ANO3: variants seen among roughly 807,000 people sequenced by gnomAD.
The protein encoded by ANO3 is anoctamin-3.
Under a neutral mutation model 144.8 loss-of-function variants are expected in ANO3, and 99 were observed. That is an observed-to-expected ratio of 0.68 (90% CI 0.58 to 0.81). The LOEUF (loss-of-function observed/expected upper bound fraction) is 0.81. Among genes scored for constraint, ANO3 ranks in the 30% least tolerant of loss-of-function variants. The pLI, the probability that ANO3 is intolerant of heterozygous loss-of-function variation, is 0.00. For synonymous variants in ANO3, 414 were observed against 392.6 expected, an observed-to-expected ratio of 1.05 and a Z score of -0.64; for missense variants, 905 against 1,202.2, an observed-to-expected ratio of 0.75 and a Z score of 3.66.
At chr11:26,216,174 A>C (rs1337430468) in intron 1 of ANO3, among the ~76,000 whole-genome samples, 1 of 151,984 alleles carries the variant, frequency 6.6e-6, no homozygotes, top group Non-Finnish European at 1.5e-5. Flanking sequence ...AATTTTTTAG[A>C]ATTTGCATAT....
chr11:26,318,406 C>T (rs186930718), intron 1 of ANO3, among the ~76,000 whole-genome samples: 49 of 152,294 alleles, frequency 3.2e-4, no homozygotes, highest in Middle Eastern at 3.4e-3. Context: ...CATACTTTCT[C>T]AGCTGCATCC....
chr11:26,344,400 C>T (rs1417889933), intron 1 of ANO3, among the ~76,000 whole-genome samples: 1 of 141,732 alleles, frequency 7.1e-6, no homozygotes, highest in African/African-American at 2.6e-5. Context: ...GAGTCTCACT[C>T]TGTCGCCCAG....
At chr11:26,482,350 T>G (rs1860253253) in intron 4 of ANO3, among the ~76,000 whole-genome samples, 1 of 152,100 alleles carries the variant, frequency 6.6e-6, no homozygotes, top group Non-Finnish European at 1.5e-5. Flanking sequence ...TTTTGTGATT[T>G]GGGACTGATT....
At chr11:26,649,716 G>A (rs1289484908) in intron 24 of ANO3, among the ~76,000 whole-genome samples, 4 of 148,910 alleles carry the variant, frequency 2.7e-5, no homozygotes, top group Admixed American at 2.7e-4. Context: ...CAGCCTGGAC[G>A]ACAGGGCAAA....
At chr11:26,262,912 C>T (rs1365100132) in intron 1 of ANO3, among the ~76,000 whole-genome samples, 1 of 152,124 alleles carries the variant, frequency 6.6e-6, no homozygotes, top group East Asian at 1.9e-4. Context: ...TTAAGCCACC[C>T]AGTCTAAGGT....
intron 1 of ANO3, among the ~76,000 whole-genome samples, chr11:26,193,584 T>C (rs1247808954): frequency 6.6e-6 from 1 of 152,214 alleles, no homozygotes; most frequent in East Asian, 1.9e-4. Flanking sequence ...AAAGCAAATA[T>C]ACTTATTTAT....
chr11:26,478,339 T>C (rs1860066579), intron 4 of ANO3, among the ~76,000 whole-genome samples: 1 of 152,146 alleles, frequency 6.6e-6, no homozygotes, highest in African/African-American at 2.4e-5. Flanking sequence ...CACTCTAACC[T>C]AGAATAGCCT....
intron 10 of ANO3, among the ~76,000 whole-genome samples, chr11:26,537,700 A>G (rs1308191250): frequency 1.3e-5 from 2 of 152,176 alleles, no homozygotes; most frequent in Non-Finnish European, 2.9e-5. Context: ...ACTCCTGGAC[A>G]CTGTAGCTGC....
intron 1 of ANO3, among the ~76,000 whole-genome samples, chr11:26,404,311 G>A (rs746704479): frequency 6.6e-6 from 1 of 151,904 alleles, no homozygotes; most frequent in Admixed American, 6.6e-5. Context: ...TATTTTGCTA[G>A]ACTCCATATT....
At chr11:26,374,107 T>C (rs1362907999) in intron 1 of ANO3, among the ~76,000 whole-genome samples, 1 of 152,244 alleles carries the variant, frequency 6.6e-6, no homozygotes, top group Non-Finnish European at 1.5e-5. Flanking sequence ...TAGGTACTTG[T>C]GTTTTCCAGG....
chr11:26,292,032 A>C (rs1345439131), intron 1 of ANO3, among the ~76,000 whole-genome samples: 1 of 152,038 alleles, frequency 6.6e-6, no homozygotes, highest in East Asian at 1.9e-4. Flanking sequence ...TCTTCCTGTC[A>C]CTTTCAGGTA....
intron 1 of ANO3, among the ~76,000 whole-genome samples, chr11:26,365,666 G>A (rs1564984554): frequency 1.3e-5 from 2 of 152,114 alleles, no homozygotes; most frequent in African/African-American, 2.4e-5. Context: ...GTACCTGGAC[G>A]CCTTTGAGCT....
intron 24 of ANO3, 32 bp from the exon 25 acceptor site, chr11:26,656,093 T>G: frequency 1.3e-6 from 2 of 1,511,818 alleles, no homozygotes; most frequent in Non-Finnish European, 1.8e-6. Context: ...GTATGAATCT[T>G]TGAATCACAT....
intron 4 of ANO3, among the ~76,000 whole-genome samples, chr11:26,479,970 G>GA (rs2134086085): frequency 6.6e-6 from 1 of 152,274 alleles, no homozygotes; most frequent in Non-Finnish European, 1.5e-5. Context: ...AGGGGCAGAG[G>GA]AAAAGGTTTG....
At chr11:26,435,194 G>A (rs752855473) in intron 1 of ANO3, among the ~76,000 whole-genome samples, 1 of 151,868 alleles carries the variant, frequency 6.6e-6, no homozygotes, top group Non-Finnish European at 1.5e-5. Flanking sequence ...TTTTTGATCC[G>A]GATATGAAAT....
At position 26,395,899 on chromosome 11, in the gene ANO3, T is replaced by C. The variant is rs111865060; in HGVS notation, c.47-46019T>C. Among the ~76,000 whole-genome samples, 195 of 152,214 alleles carry C rather than the reference T, an allele frequency of 1.3e-3. 1 individual carries two copies. The highest frequency in any genetic ancestry group is 4.6e-3 in the African/African-American group (189 of 41,538). On this transcript the variant is annotated intron_variant, in intron 1 of 26. Coordinates refer to ENST00000256737, the MANE Select transcript of ANO3 (RefSeq NM_031418.4). Reference sequence around the variant, plus strand: ...TAGGCATGGGCAAAGACTTCATGACTAAAACACCAAAAGCAAGGGCAACAA... The same window carrying C: ...TAGGCATGGGCAAAGACTTCATGACCAAAACACCAAAAGCAAGGGCAACAA...
At chr11:26,492,761 A>G (rs978878060) in intron 4 of ANO3, among the ~76,000 whole-genome samples, 7 of 152,178 alleles carry the variant, frequency 4.6e-5, no homozygotes, top group African/African-American at 1.2e-4. Flanking sequence ...CACAAAATCA[A>G]TTTTTAGTGA....
At chr11:26,236,217 A>G (rs889306223) in intron 1 of ANO3, among the ~76,000 whole-genome samples, 2 of 152,178 alleles carry the variant, frequency 1.3e-5, no homozygotes, top group Non-Finnish European at 2.9e-5. Context: ...TAATAAATAA[A>G]CTTATACATG....
At chr11:26,303,148 A>G (rs1207514764) in intron 1 of ANO3, among the ~76,000 whole-genome samples, 1 of 152,252 alleles carries the variant, frequency 6.6e-6, no homozygotes, top group African/African-American at 2.4e-5. Flanking sequence ...TTCTCGAAGA[A>G]CTGAAAACAG....
Sources: gnomAD v4.1 joint callset for allele counts (sites outside exome capture counted in the v4.1 genomes callset) on GRCh38, gnomAD v4.1.1 for gene constraint, MANE v1.5 for transcripts, NCBI Gene and HGNC (gene_info 2026-07-23, HGNC 2026-07-21) for gene names.